The following CTR9 variants were observed in gnomAD, a reference collection of about 807,000 sequenced individuals.
CTR9 encodes the protein CTR9 component of Paf1/RNA polymerase II complex, also known as RNA polymerase-associated protein CTR9 homolog.
Under a neutral mutation model 152.1 loss-of-function variants are expected in CTR9, and 41 were observed. The observed-to-expected ratio is 0.27, with a 90% CI of 0.21 to 0.35. The LOEUF (loss-of-function observed/expected upper bound fraction) is 0.35. Among genes scored for constraint, CTR9 ranks in the 10% least tolerant of loss-of-function variants. The pLI, the probability that CTR9 is intolerant of heterozygous loss-of-function variation, is 1.00. For missense variants in CTR9, 917 were observed against 1,424.4 expected (o/e 0.64, Z 5.73); for synonymous variants, 476 against 496.2 (o/e 0.96, Z 0.54).
In CTR9 at chr11:10,768,413, A is replaced by G. The variant is rs991358031; in HGVS notation, c.2031A>G (p.Thr677=). 2 of 1,614,160 alleles carry G rather than the reference A, an allele frequency of 1.2e-6. No homozygotes were observed. Among genetic ancestry groups the G allele is most frequent in the Non-Finnish European group, 1.7e-6 (2 of 1,180,014 alleles). Residue 677 remains threonine, a synonymous_variant, in exon 16 of 25, where the codon ACA becomes ACG. Transcript: ENST00000361367. ...TATTTGCCCAAGTAAGAGAAGCAAC[A>G]GCAGATATTAGTGATGTGTGGCTGA... is the stretch of plus-strand genomic sequence containing the variant. ...RDVFAQVREA[T]ADISDVWLNL...
intron 2 of CTR9, among the ~76,000 whole-genome samples, chr11:10,753,723 C>T (rs1332075841): frequency 1.3e-5 from 2 of 148,940 alleles, no homozygotes; most frequent in African/African-American, 4.9e-5. Flanking sequence ...GTACATATGC[C>T]CTCCTTAACA....
chr11:10,773,367 C>G (rs889334791), intron 21 of CTR9, 94 bp downstream of exon 21: 13 of 1,410,432 alleles, frequency 9.2e-6, no homozygotes, highest in Non-Finnish European at 1.3e-5. Context: ...TCTGTACTTA[C>G]TAGTTTTGAC....
chr11:10,764,129 C>T lies in CTR9; in HGVS notation c.1212C>T (p.Val404=), dbSNP rs1863020976. ...TATCCCAGGGCCATTTGAAGAAGGT[C>T]ACAGAACAGTATCCCGATGATGTTG... ...RDIAKGHLKK[V]TEQYPDDVEA... Residue 404 remains valine (V), a synonymous_variant, in exon 10 of 25, where the codon GTC becomes GTT. Transcript: ENST00000361367. 2 of 1,613,994 alleles carry T rather than the reference C, an allele frequency of 1.2e-6. No homozygotes were observed. Among genetic ancestry groups the T allele is most frequent in the African/African-American group, 1.3e-5 (1 of 74,930 alleles).
chr11:10,777,592 C>T (rs996038927), intron 24 of CTR9, among the ~76,000 whole-genome samples: 1 of 152,088 alleles, frequency 6.6e-6, no homozygotes, highest in Non-Finnish European at 1.5e-5. Context: ...AATGTGTTGG[C>T]AGAAAGGTCC....
At chr11:10,759,949 T>C (rs2135362657) in intron 5 of CTR9, among the ~76,000 whole-genome samples, 1 of 152,316 alleles carries the variant, frequency 6.6e-6, no homozygotes, top group African/African-American at 2.4e-5. Context: ...TGTTCTGTTC[T>C]ATAGTGAGAA....
Position 10,771,566 on chromosome 11 carries a change from A to G in CTR9, c.2394A>G (p.Lys798=). Reference sequence around the variant, plus strand: ...TTAGATACTTCAGTTATTTGAGTAAAGTGGGAGATAAAATGAGATTTGATT... The same window carrying G: ...TTAGATACTTCAGTTATTTGAGTAAGGTGGGAGATAAAATGAGATTTGATT... ...LAHRYFSYLS[K]VGDKMRFDLA... is the part of the protein sequence containing the mutation. The change falls in exon 19 of 25, where the codon AAA becomes AAG. Residue 798 remains lysine, a synonymous_variant. Transcript: ENST00000361367. The G allele has an allele frequency of 6.2e-7, 1 of 1,610,994 alleles. No individual in the cohort carries two copies. Among genetic ancestry groups the G allele is most frequent in the Non-Finnish European group, 8.5e-7 (1 of 1,177,246 alleles).
intron 24 of CTR9, among the ~76,000 whole-genome samples, chr11:10,777,555 G>T (rs140172435): frequency 6.6e-6 from 1 of 152,178 alleles, no homozygotes; most frequent in Non-Finnish European, 1.5e-5. Context: ...AATGAAATAC[G>T]TGGTTTTCAA....
At chr11:10,766,803 C>T (rs1258756222) in intron 13 of CTR9, among the ~76,000 whole-genome samples, 3 of 152,180 alleles carry the variant, frequency 2.0e-5, no homozygotes, top group Non-Finnish European at 4.4e-5. Context: ...TAGTTTACTT[C>T]ACTTTCAGTT....
intron 21 of CTR9, 75 bp downstream of exon 21, chr11:10,773,348 T>C (rs1251478979): frequency 6.4e-7 from 1 of 1,552,064 alleles, no homozygotes; most frequent in Non-Finnish European, 8.7e-7. Context: ...GATAATTGGT[T>C]AAATTCCTTC....
chr11:10,772,831 A>C (rs1046723235), intron 20 of CTR9, among the ~76,000 whole-genome samples, 176 bp downstream of exon 20: 1 of 152,150 alleles, frequency 6.6e-6, no homozygotes, highest in African/African-American at 2.4e-5. Flanking sequence ...GTTCGAGACC[A>C]GCCTGGCCAA....
At position 10,773,215 on chromosome 11, in the gene CTR9, T is replaced by C. The variant is rs776659716; in HGVS notation, c.2669T>C (p.Met890Thr). Residue 890 changes from methionine (M) to threonine (T), a missense_variant, in exon 21 of 25, where the codon ATG becomes ACG. This residue lies in a region of CTR9 where 384 missense variants were observed against 398.4 expected (regional missense o/e 0.96). Coordinates refer to ENST00000361367, the MANE Select transcript of CTR9 (RefSeq NM_014633.5). The stretch of plus-strand genomic sequence containing the variant: ...GTGGAGAAGACCAAAAATATTCTTA[T>C]GTTTACTGGTGAGACTGAAGCAACA... ...QYVEKTKNIL[M>T]FTGETEATKE... The C allele has an allele frequency of 4.3e-6, 7 of 1,612,928 alleles. No individual in the cohort carries two copies. Among genetic ancestry groups the C allele is most frequent in the South Asian group, 2.2e-5 (2 of 90,736 alleles).
intron 2 of CTR9, among the ~76,000 whole-genome samples, chr11:10,754,443 T>C (rs557862855): frequency 6.6e-6 from 1 of 152,352 alleles, no homozygotes; most frequent in Non-Finnish European, 1.5e-5. Context: ...TATAATAAAC[T>C]GCACATATTT....
In CTR9 at chr11:10,779,025, G is replaced by A; in HGVS notation, c.3442G>A (p.Gly1148Arg). 1 of 1,614,152 alleles carries A rather than the reference G, an allele frequency of 6.2e-7. No homozygotes were observed. Among genetic ancestry groups the A allele is most frequent in the South Asian group, 1.1e-5 (1 of 91,078 alleles). The part of the protein sequence containing the change: ...SDNEGSGQGS[G>R]NESEPEGSNN... ...TAATGAGGGTTCTGGCCAAGGCTCTGGAAATGAATCGGAACCAGAGGGATC... is the reference window on the plus strand; with the variant it reads ...TAATGAGGGTTCTGGCCAAGGCTCTAGAAATGAATCGGAACCAGAGGGATC... Residue 1148 changes from glycine (G) to arginine (R), a missense_variant, in exon 25 of 25, where the codon GGA becomes AGA. Gly to Arg is a moderately radical substitution (Grantham distance 125). This residue lies in a region of CTR9 where 384 missense variants were observed against 398.4 expected (regional missense o/e 0.96). Transcript: ENST00000361367.
intron 5 of CTR9, 21 bp downstream of exon 5, chr11:10,756,859 TA>T: frequency 6.6e-7 from 1 of 1,508,878 alleles, no homozygotes; most frequent in Non-Finnish European, 9.2e-7. Context: ...AATTTTATTT[TA>T]TGTCTAAACT....
intron 23 of CTR9, 39 bp from the exon 24 acceptor site, chr11:10,775,482 A>G: frequency 1.3e-6 from 2 of 1,539,476 alleles, no homozygotes; most frequent in Non-Finnish European, 1.8e-6. Context: ...GGCCTAATGT[A>G]AGAGTCTTGA....
intron 12 of CTR9, among the ~76,000 whole-genome samples, chr11:10,764,974 C>G (rs76159880): frequency 6.6e-6 from 1 of 152,320 alleles, no homozygotes; most frequent in African/African-American, 2.4e-5. Flanking sequence ...TTCAGTGGGT[C>G]AGCTACCTTT....
At chr11:10,756,959 C>A in intron 5 of CTR9, 121 bp downstream of exon 5, 1 of 776,102 alleles carries the variant, frequency 1.3e-6, no homozygotes, top group Admixed American at 2.7e-5. Context: ...ATGTCAGAAT[C>A]AAGTTTTTTT....
chr11:10,772,590 C>T lies in CTR9; in HGVS notation c.2515C>T (p.Arg839Trp), dbSNP rs775426922. Residue 839 changes from arginine to tryptophan, a missense_variant, in exon 20 of 25, where the codon CGG becomes TGG. By Grantham distance (101) the Arg-to-Trp change is moderately radical. Coordinates refer to ENST00000361367, the MANE Select transcript of CTR9 (RefSeq NM_014633.5). ...ARARKQDEEE[R>W]ELRAKQEQEK... is the part of the protein sequence containing the mutation. ...GGCACGCAAACAAGATGAAGAAGAG[C>T]GGGAGCTGCGGGCCAAGCAAGAGCA... The T allele has an allele frequency of 3.7e-6, 6 of 1,611,186 alleles. No homozygotes were observed. Among genetic ancestry groups the T allele is most frequent in the South Asian group, 3.3e-5 (3 of 90,792 alleles).
intron 2 of CTR9, among the ~76,000 whole-genome samples, chr11:10,754,138 G>A (rs1862848228): frequency 6.6e-6 from 1 of 152,116 alleles, no homozygotes; most frequent in African/African-American, 2.4e-5. Flanking sequence ...ATCCCAAGTA[G>A]TAGATTACAG....
Sources: allele counts gnomAD v4.1 joint callset (sites outside exome capture counted in the v4.1 genomes callset), GRCh38; gene constraint gnomAD v4.1.1; regional missense constraint gnomAD v4.1.1; transcripts MANE v1.5; gene names NCBI Gene and HGNC (gene_info 2026-07-23, HGNC 2026-07-21).